The following AHDC1 variants were observed in gnomAD, a reference collection of about 807,000 sequenced individuals.
The protein encoded by AHDC1 is transcription factor Gibbin.
Under a neutral mutation model 87.9 loss-of-function variants are expected in AHDC1, and 7 were observed. The observed-to-expected ratio is 0.08, with a 90% CI of 0.05 to 0.15. The LOEUF (loss-of-function observed/expected upper bound fraction) is 0.15, where lower values mean the gene tolerates loss of function less well. Among genes scored for constraint, AHDC1 ranks in the 10% least tolerant of loss-of-function variants. The probability of loss-of-function intolerance (pLI) is 1.00; values close to 1 mark genes in which losing one functional copy is unlikely to be tolerated. For missense variants in AHDC1, 1,841 were observed against 2,253.2 expected (o/e 0.82, Z 3.70); for synonymous variants, 1,051 against 1,006.8 (o/e 1.04, Z -0.83).
At chr1:27,600,474 AC>A (rs1278651144) in intron 3 of AHDC1, among the ~76,000 whole-genome samples, 2 of 151,796 alleles carry the variant, frequency 1.3e-5, no homozygotes, top group Admixed American at 1.3e-4. Flanking sequence ...AAAAAAAAAA[AC>A]AAAAAAAATT....
Position 27,595,635 on chromosome 1 carries a change from T to C in AHDC1, c.-629+7762A>G, listed in dbSNP as rs1283880479. Among the ~76,000 whole-genome samples the C allele has an allele frequency of 1.3e-5, 2 of 151,680 alleles. No homozygotes were observed. Among genetic ancestry groups the C allele is most frequent in the East Asian group, 3.9e-4 (2 of 5,174 alleles). ...CTGGGGAGTGTCTCTGGAAAGGTTA[T>C]TGGGATTTTAATTGGGTACCTGCAA... On this transcript the variant is annotated intron_variant, in intron 3 of 8. Transcript: ENST00000673934. This position sits in a 1 kb window ranked among gnomAD's most constrained non-coding sequence, Gnocchi z 4.0.
chr1:27,557,333 A>C, intron 5 of AHDC1, among the ~76,000 whole-genome samples: 1 of 120,244 alleles, frequency 8.3e-6, no homozygotes, highest in East Asian at 2.5e-4. Flanking sequence ...CTCCCGGAGG[A>C]CTCCCCTCCT....
rs370048185 is a variant in AHDC1 at position 27,589,132 on chromosome 1, G to A, written c.-629+14265C>T. Among the ~76,000 whole-genome samples the A allele has an allele frequency of 4.4e-4, 67 of 152,112 alleles. 1 individual carries two copies. Among genetic ancestry groups the A allele is most frequent in the African/African-American group, 1.6e-3 (65 of 41,486 alleles). On this transcript the variant is annotated intron_variant, in intron 3 of 8. Transcript: ENST00000673934. The stretch of plus-strand genomic sequence containing the variant: ...GGGGCTGGCCCTGGGCCCAGGGTGG[G>A]GGGTTCTGACAGAGCAGAAGATTCC...
In AHDC1 at chr1:27,534,814, C is replaced by T. The variant is rs1284863485; in HGVS notation, c.*146G>A. On this transcript the variant is annotated 3_prime_UTR_variant, in exon 9 of 9. Coordinates refer to ENST00000673934, the MANE Select transcript of AHDC1 (RefSeq NM_001371928.1). ...TGGGAGGGGGTGGAGGGAGATGGGT[C>T]TGCAGGGGGTGTAGGGGGCAGGGTG... The T allele has an allele frequency of 9.3e-6, 1 of 107,210 alleles. No individual in the cohort carries two copies. The highest frequency in any genetic ancestry group is 3.6e-5 in the African/African-American group (1 of 27,536). The allele number at this position is 107,210 out of a possible 1,614,324, so 6.6% of individuals were successfully genotyped here.
At position 27,561,426 on chromosome 1, in the gene AHDC1, C is replaced by A. The variant is rs978551861; in HGVS notation, c.-628-2543G>T. The stretch of plus-strand genomic sequence containing the variant: ...CCAGCAGATAAACGTCAGGCCCCCA[C>A]CCAGTGTAAATGAACTTCCAACAGT... On this transcript the variant is annotated intron_variant, in intron 3 of 8. Transcript: ENST00000673934. The surrounding 1 kb of genome is among the most constrained non-coding windows in gnomAD (Gnocchi z 4.2). Among the ~76,000 whole-genome samples, 2 of 152,228 alleles carry A rather than the reference C, an allele frequency of 1.3e-5. No individual in the cohort carries two copies. Among genetic ancestry groups the A allele is most frequent in the African/African-American group, 4.8e-5 (2 of 41,460 alleles).
rs2020282895 is a variant in AHDC1, at chr1:27,565,570, G to A, written c.-628-6687C>T. On this transcript the variant is annotated intron_variant, in intron 3 of 8. Transcript: ENST00000673934. This position sits in a 1 kb window ranked among gnomAD's most constrained non-coding sequence, Gnocchi z 4.6. ...TTCTGTCTGGTGTCCCCCGGCGCTG[G>A]TGAGCAAGGGGCGGGAGTCACTCTA... Among the ~76,000 whole-genome samples the A allele has an allele frequency of 6.6e-6, 1 of 152,166 alleles. No individual in the cohort carries two copies. The highest frequency in any genetic ancestry group is 6.5e-5 in the Admixed American group (1 of 15,282).
chr1:27,548,572 A>C lies in AHDC1; in HGVS notation c.3544T>G (p.Phe1182Val), dbSNP rs201980874. Residue 1182 changes from phenylalanine to valine, a missense_variant, in exon 8 of 9, where the codon TTT becomes GTT. Coordinates refer to ENST00000673934, the MANE Select transcript of AHDC1 (RefSeq NM_001371928.1). ...GAGGCCTCGCTGTTGGCACGCCGAA[A>C]CCCCCCGCCACCAACCGGCTGATTG... is the stretch of plus-strand genomic sequence containing the variant. ...QFNQPVGGGG[F>V]RRANSEASSS... 367 of 1,612,812 alleles carry C rather than the reference A, an allele frequency of 2.3e-4. 1 individual carries two copies. Among genetic ancestry groups the C allele is most frequent in the Non-Finnish European group, 3.0e-4 (356 of 1,179,892 alleles).
intron 3 of AHDC1, among the ~76,000 whole-genome samples, chr1:27,588,684 G>C (rs1303312899): frequency 2.0e-5 from 3 of 152,178 alleles, no homozygotes; most frequent in Non-Finnish European, 2.9e-5. Flanking sequence ...GTGCACATGG[G>C]CAAGAAGAGG....
At chr1:27,600,095 C>T (rs1370674248) in intron 3 of AHDC1, among the ~76,000 whole-genome samples, 7 of 151,974 alleles carry the variant, frequency 4.6e-5, no homozygotes, top group Non-Finnish European at 5.9e-5. Flanking sequence ...GATTTTCTTG[C>T]CTGTTTTCTC....
chr1:27,583,686 A>G (rs1448476320), intron 3 of AHDC1, among the ~76,000 whole-genome samples: 1 of 151,968 alleles, frequency 6.6e-6, no homozygotes. Context: ...GTGGCTTTTG[A>G]GTCTCTCACA....
At position 27,547,215 on chromosome 1, in the gene AHDC1, C is replaced by T. The variant is rs2019207072; in HGVS notation, c.*43+46G>A. On this transcript the variant is annotated intron_variant, in intron 8 of 8. Transcript: ENST00000673934. This position sits in a 1 kb window ranked among gnomAD's most constrained non-coding sequence, Gnocchi z 4.9. ...CTTGCCTAAGCTCTGATGTCCTCTT[C>T]CCACCCCCAGGCCTCTGCCCACTGC... The T allele has an allele frequency of 7.5e-7, 1 of 1,339,458 alleles. No homozygotes were observed. The highest frequency in any genetic ancestry group is 1.0e-6 in the Non-Finnish European group (1 of 986,014). The allele number at this position is 1,339,458 out of a possible 1,614,324, so 83.0% of individuals were successfully genotyped here.
Position 27,561,174 on chromosome 1 carries a change from C to A in AHDC1, c.-628-2291G>T, listed in dbSNP as rs1166260955. On this transcript the variant is annotated intron_variant, in intron 3 of 8. Coordinates refer to ENST00000673934, the MANE Select transcript of AHDC1 (RefSeq NM_001371928.1). This position sits in a 1 kb window ranked among gnomAD's most constrained non-coding sequence, Gnocchi z 4.2. ...CCACCTTTGCAGCTCCCCAGAGGCC[C>A]AGGAGGAAGGAAAAGATGGAAATCT... Among the ~76,000 whole-genome samples the A allele has an allele frequency of 6.6e-6, 1 of 152,182 alleles. No individual in the cohort carries two copies. The highest frequency in any genetic ancestry group is 1.9e-4 in the East Asian group (1 of 5,200).
rs750185125 is a variant in AHDC1, at chr1:27,550,918, C to T, written c.1198G>A (p.Gly400Arg). 22 of 1,597,676 alleles carry T rather than the reference C, an allele frequency of 1.4e-5. No individual in the cohort carries two copies. The highest frequency in any genetic ancestry group is 4.0e-5 in the African/African-American group (3 of 74,796). ...PKILCRRRKA[G>R]RGRKADAGPE... is the part of the protein sequence containing the mutation. ...CCGGCGTCTGCCTTGCGTCCCCGTC[C>T]GGCTTTCCGCCGGCGACACAGGATC... Residue 400 changes from glycine (G) to arginine (R), a missense_variant, in exon 8 of 9, where the codon GGA becomes AGA. By Grantham distance (125) the Gly-to-Arg change is moderately radical. Around this residue, in one of 13 missense-constraint regions of AHDC1, gnomAD observed 370 missense variants for 391.5 expected, o/e 0.95. Transcript: ENST00000673934.
At chr1:27,567,964 A>T (rs1314772930) in intron 3 of AHDC1, 1 of 152,170 alleles carries the variant, frequency 6.6e-6, no homozygotes, top group Non-Finnish European at 1.5e-5. Context: ...TCTTAATCAC[A>T]CACCTGAACC....
intron 3 of AHDC1, among the ~76,000 whole-genome samples, chr1:27,575,699 C>G (rs1391908703): frequency 6.6e-6 from 1 of 151,746 alleles, no homozygotes; most frequent in Non-Finnish European, 1.5e-5. Context: ...CGGTCCAACC[C>G]GGCCGGGTAG....
rs1188182660 is a variant in AHDC1 at position 27,548,166 on chromosome 1, T to C, written c.3950A>G (p.Tyr1317Cys). ...TGGTGACATGCTGCTGTCCCCGCTATAGTAGTCCAGGCCGAGGTCAGGACT... is the reference window on the plus strand; with the variant it reads ...TGGTGACATGCTGCTGTCCCCGCTACAGTAGTCCAGGCCGAGGTCAGGACT... Reference protein sequence around the residue: ...QDSPDLGLDYYSGDSSMSPLP... With the variant: ...QDSPDLGLDYCSGDSSMSPLP... Residue 1317 changes from tyrosine to cysteine, a missense_variant, in exon 8 of 9, where the codon TAT becomes TGT. Transcript: ENST00000673934. 2 of 1,613,704 alleles carry C rather than the reference T, an allele frequency of 1.2e-6. No individual in the cohort carries two copies. Among genetic ancestry groups the C allele is most frequent in the African/African-American group, 2.7e-5 (2 of 74,950 alleles).
Position 27,551,057 on chromosome 1 carries a change from G to T in AHDC1, c.1059C>A (p.Pro353=). Residue 353 remains proline, a synonymous_variant, in exon 8 of 9, where the codon CCC becomes CCA. Coordinates refer to ENST00000673934, the MANE Select transcript of AHDC1 (RefSeq NM_001371928.1). ...GCTCGGCCAGTGGGCAGTGCCCCAG[G>T]GGCTGCTGGGGCTCCAGACGGCGAC... The part of the protein sequence containing the change: ...VPGRRLEPQQ[P]LGHCPLAEPL... 6.4e-7 allele frequency: 1 copy of T among 1,557,984 alleles called. No individual in the cohort carries two copies. Among genetic ancestry groups the T allele is most frequent in the South Asian group, 1.2e-5 (1 of 85,134 alleles).
At chr1:27,546,826 T>G (rs1462805437) in intron 8 of AHDC1, among the ~76,000 whole-genome samples, 1 of 152,176 alleles carries the variant, frequency 6.6e-6, no homozygotes, top group African/African-American at 2.4e-5. Context: ...GGATAGGCCC[T>G]GGGTAGACGA....
At chr1:27,589,422 G>C (rs1199603249) in intron 3 of AHDC1, among the ~76,000 whole-genome samples, 3 of 152,164 alleles carry the variant, frequency 2.0e-5, no homozygotes, top group Admixed American at 2.0e-4. Context: ...TGTCTGCATG[G>C]CAGTGTCTGG....
Sources: gnomAD v4.1 joint callset for allele counts (sites outside exome capture counted in the v4.1 genomes callset) on GRCh38, gnomAD v4.1.1 for gene constraint, gnomAD v4.1.1 regional missense constraint, Gnocchi (gnomAD v3.1) non-coding constraint, MANE v1.5 for transcripts, NCBI Gene and HGNC (gene_info 2026-07-23, HGNC 2026-07-21) for gene names.